Variants in WWOX observed in about 807,000 individuals in gnomAD.
WWOX encodes WW domain containing oxidoreductase.
A neutral mutation model predicts 46.2 loss-of-function variants in WWOX; 69 were observed. The observed-to-expected ratio is 1.49, with a 90% CI of 1.23 to 1.82. WWOX has a LOEUF of 1.82. Ranked by LOEUF, WWOX falls within the 40% of genes most tolerant of loss-of-function variation. WWOX has a pLI of 0.00. For synonymous variants in WWOX, 359 were observed against 202.6 expected (o/e 1.77, Z -6.56); for missense variants, 919 against 542.6 (o/e 1.69, Z -6.89).
intron 8 of WWOX, among the ~76,000 whole-genome samples, chr16:78,761,813 A>G (rs1178281880): frequency 6.6e-6 from 1 of 152,168 alleles, no homozygotes; most frequent in Non-Finnish European, 1.5e-5. Flanking sequence ...CACTTAGGAG[A>G]GAAATCATGC....
intron 6 of WWOX, among the ~76,000 whole-genome samples, chr16:78,411,471 A>C (rs970649871): frequency 1.3e-5 from 2 of 152,182 alleles, no homozygotes; most frequent in African/African-American, 2.4e-5. Flanking sequence ...ACCCAGACTT[A>C]ATCAAGTGAG....
At chr16:78,773,559 G>T (rs1045576306) in intron 8 of WWOX, among the ~76,000 whole-genome samples, 19 of 152,198 alleles carry the variant, frequency 1.2e-4, no homozygotes, top group Non-Finnish European at 2.5e-4. Flanking sequence ...TCTTAGACTA[G>T]TGGGGCTCTC....
intron 8 of WWOX, among the ~76,000 whole-genome samples, chr16:79,034,756 C>T (rs914582440): frequency 6.6e-6 from 1 of 152,062 alleles, no homozygotes; most frequent in Middle Eastern, 3.4e-3. Flanking sequence ...GTGCTCAAAG[C>T]ACTTGCTTAC....
intron 8 of WWOX, among the ~76,000 whole-genome samples, chr16:78,861,823 C>G (rs143582723): frequency 3.9e-4 from 60 of 152,230 alleles, no homozygotes; most frequent in African/African-American, 1.4e-3. Flanking sequence ...AGGTAAAGCA[C>G]AAAAGAAATT....
At chr16:79,021,950 T>C (rs529005000) in intron 8 of WWOX, among the ~76,000 whole-genome samples, 2 of 152,324 alleles carry the variant, frequency 1.3e-5, no homozygotes, top group Admixed American at 1.3e-4. Flanking sequence ...AGAGTTAAAA[T>C]CACCCATGTG....
chr16:78,811,820 G>A (rs1349184293), intron 8 of WWOX, among the ~76,000 whole-genome samples: 2 of 152,160 alleles, frequency 1.3e-5, no homozygotes, highest in African/African-American at 4.8e-5. Flanking sequence ...GAGGGGTAGA[G>A]GGACACAAAC....
intron 4 of WWOX, among the ~76,000 whole-genome samples, chr16:78,152,047 G>A (rs758723564): frequency 4.6e-5 from 7 of 152,190 alleles, no homozygotes; most frequent in South Asian, 2.1e-4. Flanking sequence ...AAAATTAGCC[G>A]GGTGTGGTGG....
chr16:78,666,434 C>A (rs145885127), intron 8 of WWOX, among the ~76,000 whole-genome samples: 3 of 152,168 alleles, frequency 2.0e-5, no homozygotes, highest in African/African-American at 7.2e-5. Context: ...CAGTGTGTCA[C>A]GCCATTACAT....
chr16:78,668,391 A>G (rs993849775), intron 8 of WWOX, among the ~76,000 whole-genome samples: 24 of 152,342 alleles, frequency 1.6e-4, no homozygotes, highest in African/African-American at 5.3e-4. Context: ...GAGGGCAAGG[A>G]CCACAAGATA....
intron 8 of WWOX, among the ~76,000 whole-genome samples, chr16:78,705,725 G>C (rs919790711): frequency 6.6e-6 from 1 of 152,002 alleles, no homozygotes; most frequent in African/African-American, 2.4e-5. Flanking sequence ...TATGCCTTTG[G>C]TGACTTTGTG....
intron 5 of WWOX, among the ~76,000 whole-genome samples, chr16:78,344,404 A>C (rs907731626): frequency 3.3e-5 from 4 of 121,030 alleles, no homozygotes; most frequent in Non-Finnish European, 7.9e-5. Flanking sequence ...CCCAATGTCC[A>C]TTTTCAAATG....
chr16:78,250,967 A>T (rs775930710), intron 5 of WWOX, among the ~76,000 whole-genome samples: 3 of 152,142 alleles, frequency 2.0e-5, no homozygotes, highest in Non-Finnish European at 4.4e-5. Context: ...TGTCTGTTAT[A>T]TATAAGGGAC....
chr16:78,457,059 C>T (rs1233371856), intron 8 of WWOX, among the ~76,000 whole-genome samples: 3 of 152,174 alleles, frequency 2.0e-5, no homozygotes, highest in African/African-American at 7.2e-5. Flanking sequence ...ACAATATGTG[C>T]CCACCCTACG....
chr16:78,896,118 A>C (rs2044694836), intron 8 of WWOX: 1 of 152,172 alleles, frequency 6.6e-6, no homozygotes, highest in African/African-American at 2.4e-5. Flanking sequence ...ATAAGATAGA[A>C]ATAGTAGGTT....
chr16:78,104,745 A>T (rs1209970179), intron 1 of WWOX, among the ~76,000 whole-genome samples: 1 of 152,230 alleles, frequency 6.6e-6, no homozygotes, highest in Non-Finnish European at 1.5e-5. Context: ...GGTTATAATT[A>T]AAAAGAACAT....
At chr16:78,195,848 A>AG (rs1248700569) in intron 5 of WWOX, among the ~76,000 whole-genome samples, 1 of 151,890 alleles carries the variant, frequency 6.6e-6, no homozygotes, top group Non-Finnish European at 1.5e-5. Flanking sequence ...AAAGAAAAAA[A>AG]AAAGATTGAA....
intron 8 of WWOX, among the ~76,000 whole-genome samples, chr16:78,988,445 C>G (rs1370752802): frequency 6.6e-6 from 1 of 151,736 alleles, no homozygotes; most frequent in South Asian, 2.1e-4. Flanking sequence ...GGAGCAGATA[C>G]TGGAGACAGT....
chr16:78,536,901 C>CTTT (rs35326105), intron 8 of WWOX, among the ~76,000 whole-genome samples: 24 of 120,014 alleles, frequency 2.0e-4, no homozygotes, highest in Non-Finnish European at 2.1e-4. Flanking sequence ...AGAGCCAAGT[C>CTTT]TTTTTTTTTT....
chr16:78,456,046 T>C (rs2083809435), intron 8 of WWOX, among the ~76,000 whole-genome samples: 2 of 152,262 alleles, frequency 1.3e-5, no homozygotes, highest in South Asian at 2.1e-4. Flanking sequence ...CGAAGGAGCT[T>C]AGAGGGAATC....
Sources: gnomAD v4.1 joint callset for allele counts (sites outside exome capture counted in the v4.1 genomes callset) on GRCh38, gnomAD v4.1.1 for gene constraint, MANE v1.5 for transcripts, NCBI Gene and HGNC (gene_info 2026-07-23, HGNC 2026-07-21) for gene names.